The following TJP2 variants were observed in gnomAD, a reference collection of about 807,000 sequenced individuals.
TJP2 encodes the protein Friedreich ataxia region gene X104 (tight junction protein ZO-2).
Under a neutral mutation model 133.1 loss-of-function variants are expected in TJP2, and 91 were observed. The ratio of observed to expected loss-of-function variants is 0.68; its 90% CI spans 0.58 to 0.81. TJP2 has a LOEUF of 0.81. Among genes scored for constraint, TJP2 ranks in the 40% least tolerant of loss-of-function variants. The pLI is 0.00. For synonymous variants in TJP2, 592 were observed against 583.4 expected, an observed-to-expected ratio of 1.01 and a Z score of -0.21; for missense variants, 1,541 against 1,565.6, an observed-to-expected ratio of 0.98 and a Z score of 0.26.
In TJP2 at chr9:69,231,008, A is replaced by ATG. The variant is rs374705533; in HGVS notation, c.1671+792_1671+793dup. ...AAATAACTCAACTTGACATTTGTGT[A>ATG]TGTGTGTGTGTGTGTGTAGCATTCT... On this transcript the variant is annotated intron_variant, in intron 11 of 22. Transcript: ENST00000377245. 2.5e-3 allele frequency among the ~76,000 whole-genome samples: 379 copies of ATG among 151,130 alleles called. 1 individual carries two copies. Among genetic ancestry groups the ATG allele is most frequent in the African/African-American group, 6.2e-3 (255 of 41,310 alleles).
intron 2 of TJP2, among the ~76,000 whole-genome samples, chr9:69,167,877 AAAAAAG>A (rs1824444637): frequency 6.6e-6 from 1 of 152,050 alleles, no homozygotes; most frequent in African/African-American, 2.4e-5. Context: ...AAAAAAAAAA[AAAAAAG>A]AAGAAGAAGA....
intron 1 of TJP2, among the ~76,000 whole-genome samples, chr9:69,196,927 ATGTGTGTG>A (rs150452125): frequency 6.1e-4 from 88 of 144,136 alleles, no homozygotes; most frequent in Middle Eastern, 3.5e-3. Flanking sequence ...TTATATATAT[ATGTGTGTG>A]TGTGTGTGTG....
chr9:69,154,157 A>G (rs1052723498), intron 2 of TJP2, among the ~76,000 whole-genome samples: 2 of 152,174 alleles, frequency 1.3e-5, no homozygotes, highest in Non-Finnish European at 2.9e-5. Flanking sequence ...TGAGATTTGT[A>G]TTTCTATACT....
At chr9:69,151,517 A>C (rs1263524941) in intron 1 of TJP2, 1 of 893,380 alleles carries the variant, frequency 1.1e-6, no homozygotes, top group Non-Finnish European at 1.5e-6. Context: ...ACAGTTGCAT[A>C]ACTCTGTGAA....
intron 1 of TJP2, 116 bp downstream of exon 1, chr9:69,174,548 G>A (rs1824918687): frequency 8.0e-7 from 1 of 1,251,318 alleles, no homozygotes; most frequent in Admixed American, 2.0e-5. Context: ...GCCGTAGGAA[G>A]CTGGGATTCT....
Position 69,251,096 on chromosome 9 carries a change from A to G in TJP2, c.3053A>G (p.Asn1018Ser), listed in dbSNP as rs562740714. 6.2e-7 allele frequency: 1 copy of G among 1,614,170 alleles called. No individual in the cohort carries two copies. Among genetic ancestry groups the G allele is most frequent in the Admixed American group, 1.7e-5 (1 of 60,018 alleles). The stretch of plus-strand genomic sequence containing the variant: ...TCCAAATCCTATGAATATAAGTCAA[A>G]CCCCTCTGCCGTTGCTGGTAATGAA... ...DFSKSYEYKS[N>S]PSAVAGNETP... The change falls in exon 21 of 23, where the codon AAC becomes AGC. Residue 1018 changes from asparagine (N) to serine (S), a missense_variant. Asn to Ser is a conservative substitution (Grantham distance 46). Transcript: ENST00000377245.
chr9:69,171,789 A>ATTTTTTTTTTTTTTTTTTTTTTTTTT (rs34717893), upstream of TJP2, among the ~76,000 whole-genome samples: 3 of 86,758 alleles, frequency 3.5e-5, no homozygotes, highest in African/African-American at 4.5e-5. Flanking sequence ...GAGTAGAAGA[A>ATTTTTTTTTTTTTTTTTTTTTTTTTT]TTTTTTTTTT....
intron 1 of TJP2, among the ~76,000 whole-genome samples, chr9:69,185,751 T>C (rs1266221337): frequency 6.6e-6 from 1 of 152,186 alleles, no homozygotes; most frequent in Non-Finnish European, 1.5e-5. Flanking sequence ...ATAAATGAGA[T>C]GGAAGATTTT....
chr9:69,127,138 C>T (rs1423688015), intron 1 of TJP2, among the ~76,000 whole-genome samples: 2 of 70,734 alleles, frequency 2.8e-5, no homozygotes, highest in Non-Finnish European at 6.4e-5. Flanking sequence ...GGTGCGATCT[C>T]GGCTCACTGC....
At chr9:69,172,950 C>G (rs182433520), upstream of TJP2, among the ~76,000 whole-genome samples, 1 of 152,268 alleles carries the variant, frequency 6.6e-6, no homozygotes, top group Admixed American at 6.5e-5. Context: ...ACCAAAATGT[C>G]TAAGTCCGGA....
At position 69,237,038 on chromosome 9, in the gene TJP2, G is replaced by A. The variant is rs201366118; in HGVS notation, c.2081G>A (p.Gly694Glu). The A allele has an allele frequency of 1.0e-4, 163 of 1,614,170 alleles. No individual in the cohort carries two copies. In the East Asian group the frequency reaches 3.4e-3, roughly 34 times the overall value. Residue 694 changes from glycine (G) to glutamate (E), a missense_variant, in exon 14 of 23, where the codon GGG (glycine) becomes GAG (glutamate). Transcript: ENST00000377245. ...TGGAGAATGCGTGGCCAGAGGTCTGGGGTGAAGAAGAACCTGAGGAAAAGT... is the reference window on the plus strand; with the variant it reads ...TGGAGAATGCGTGGCCAGAGGTCTGAGGTGAAGAAGAACCTGAGGAAAAGT... ...DFWRMRGQRS[G>E]VKKNLRKSRE...
chr9:69,204,778 TTC>T, intron 1 of TJP2: 3 of 1,029,258 alleles, frequency 2.9e-6, no homozygotes, highest in Non-Finnish European at 3.5e-6. Flanking sequence ...GTATAAATAC[TTC>T]TCTAAATATT....
At chr9:69,171,317 A>G (rs1486880313), upstream of TJP2, among the ~76,000 whole-genome samples, 1 of 152,046 alleles carries the variant, frequency 6.6e-6, no homozygotes, top group African/African-American at 2.4e-5. Flanking sequence ...TAGCCACGTC[A>G]TCTCTCACCT....
intron 22 of TJP2, chr9:69,253,948 G>A: frequency 3.9e-6 from 2 of 518,938 alleles, no homozygotes; most frequent in Non-Finnish European, 7.0e-6. Flanking sequence ...GGTAAGGAGG[G>A]CACCCCCTGT....
chr9:69,159,415 T>C (rs1823945457), intron 2 of TJP2, among the ~76,000 whole-genome samples: 1 of 152,124 alleles, frequency 6.6e-6, no homozygotes, highest in Non-Finnish European at 1.5e-5. Context: ...AATATTGATA[T>C]TGATATACAA....
chr9:69,221,397 C>T lies in TJP2; in HGVS notation c.853C>T (p.Arg285Cys), dbSNP rs546327568. 2.0e-4 allele frequency: 314 copies of T among 1,580,768 alleles called. 3 individuals carry two copies. The South Asian group carries it at 3.3e-3, about 17-fold the overall frequency. Residue 285 changes from arginine (R) to cysteine (C), a missense_variant, in exon 5 of 23, where the codon CGC becomes TGC. By Grantham distance (180) the Arg-to-Cys change is radical. Coordinates refer to ENST00000377245, the MANE Select transcript of TJP2 (RefSeq NM_004817.4). ...TGCCCGCTCTCGGGGACCCCGAAGC[C>T]GCAGCCGCGAGCACCCGCACTCACG... ...HDARSRGPRS[R>C]SREHPHSRSP...
At chr9:69,251,937 A>G (rs1182817268) in intron 21 of TJP2, among the ~76,000 whole-genome samples, 2 of 152,138 alleles carry the variant, frequency 1.3e-5, no homozygotes, top group Admixed American at 6.6e-5. Context: ...TCTTGTCGTA[A>G]AATATACATA....
intron 1 of TJP2, among the ~76,000 whole-genome samples, chr9:69,206,968 A>G (rs893035706): frequency 3.3e-5 from 5 of 152,222 alleles, no homozygotes; most frequent in Non-Finnish European, 5.9e-5. Flanking sequence ...AACAAATGCC[A>G]TGAGCCCATT....
chr9:69,200,508 G>T (rs1465895334), intron 1 of TJP2, among the ~76,000 whole-genome samples: 1 of 152,132 alleles, frequency 6.6e-6, no homozygotes, highest in Non-Finnish European at 1.5e-5. Flanking sequence ...CTGCCTCAGT[G>T]TCCTGAGCAG....
Sources: gnomAD v4.1 joint callset for allele counts (sites outside exome capture counted in the v4.1 genomes callset) on GRCh38, gnomAD v4.1.1 for gene constraint, MANE v1.5 for transcripts, NCBI Gene and HGNC (gene_info 2026-07-23, HGNC 2026-07-21) for gene names.